The following NAALADL2 variants were observed in gnomAD, a reference collection of about 807,000 sequenced individuals.
The protein encoded by NAALADL2 is N-acetylated alpha-linked acidic dipeptidase like 2.
Under a neutral mutation model 87.2 loss-of-function variants are expected in NAALADL2, and 76 were observed. The observed-to-expected ratio is 0.87, with a 90% confidence interval of 0.72 to 1.05. The LOEUF (loss-of-function observed/expected upper bound fraction) is 1.05, where lower values mean the gene tolerates loss of function less well. Ranked by LOEUF, NAALADL2 falls within the 50% of genes least tolerant of loss-of-function variation. The pLI is 0.00. For missense variants in NAALADL2, 1,089 were observed against 945.8 expected, an observed-to-expected ratio of 1.15 and a Z score of -1.99; for synonymous variants, 354 against 331.0, an observed-to-expected ratio of 1.07 and a Z score of -0.75.
chr3:175,641,846 C>G (rs924843203), intron 11 of NAALADL2, among the ~76,000 whole-genome samples: 27 of 152,106 alleles, frequency 1.8e-4, no homozygotes, highest in African/African-American at 6.0e-4. Flanking sequence ...CAAATTTAAG[C>G]ATAAAAAGTA....
intron 13 of NAALADL2, among the ~76,000 whole-genome samples, chr3:175,799,702 C>A (rs1753905943): frequency 6.6e-6 from 1 of 152,052 alleles, no homozygotes; most frequent in South Asian, 2.1e-4. Flanking sequence ...TTTAGGGAAA[C>A]TTTCAATAAG....
chr3:175,383,225 G>T (rs1032417443), intron 5 of NAALADL2, among the ~76,000 whole-genome samples: 7 of 151,916 alleles, frequency 4.6e-5, no homozygotes, highest in East Asian at 1.9e-4. Flanking sequence ...AATACATGTT[G>T]TTGTTGTTGT....
chr3:175,268,516 T>C (rs1038066483), intron 4 of NAALADL2, among the ~76,000 whole-genome samples: 1 of 152,126 alleles, frequency 6.6e-6, no homozygotes, highest in Non-Finnish European at 1.5e-5. Context: ...TGTTTACAAA[T>C]ATTTTTCTTT....
At chr3:175,684,036 A>G (rs1735949869) in intron 11 of NAALADL2, among the ~76,000 whole-genome samples, 1 of 152,086 alleles carries the variant, frequency 6.6e-6, no homozygotes, top group African/African-American at 2.4e-5. Context: ...ATCATCTTAT[A>G]GTAGAAGCAA....
chr3:174,686,881 T>C (rs972000719), intron 2 of NAALADL2, among the ~76,000 whole-genome samples: 3 of 152,074 alleles, frequency 2.0e-5, no homozygotes, highest in African/African-American at 7.2e-5. Flanking sequence ...ACTTAGGATA[T>C]AGGAATGGGC....
chr3:175,619,273 G>GGAAGGAGAAGGAAA (rs1553933972), intron 10 of NAALADL2, among the ~76,000 whole-genome samples: 1,384 of 133,224 alleles, frequency 0.01, 15 homozygotes, highest in East Asian at 0.023. Context: ...GGAAGGAGAA[G>GGAAGGAGAAGGAAA]GAAAGAAAGA....
At position 175,343,655 on chromosome 3, in the gene NAALADL2, G is replaced by GTTTTT. The variant is rs113806607; in HGVS notation, c.1090+19347_1090+19351dup. On this transcript the variant is annotated intron_variant, in intron 5 of 13. Coordinates refer to ENST00000454872, the MANE Select transcript of NAALADL2 (RefSeq NM_207015.3). ...TGGAGTTCCTGTGTGTCTTGATCATGTTTTTTTTTTTTTTTTTTTTTCCCT... is the reference window on the plus strand; with the variant it reads ...TGGAGTTCCTGTGTGTCTTGATCATGTTTTTTTTTTTTTTTTTTTTTTTTTTCCCT... Among the ~76,000 whole-genome samples, 55 of 64,704 alleles carry GTTTTT rather than the reference G, an allele frequency of 8.5e-4. 6 individuals are homozygous for GTTTTT. The highest frequency in any genetic ancestry group is 2.0e-3 in the South Asian group (3 of 1,466). 42.4% of individuals were successfully genotyped at this position (64,704 alleles called of 152,430 possible).
chr3:175,734,386 C>G (rs944016125), intron 11 of NAALADL2, among the ~76,000 whole-genome samples: 3 of 151,478 alleles, frequency 2.0e-5, no homozygotes, highest in African/African-American at 7.3e-5. Context: ...AACCCCATCT[C>G]TACTAAAAAT....
At chr3:175,489,239 C>T (rs1407425398) in intron 9 of NAALADL2, among the ~76,000 whole-genome samples, 2 of 151,856 alleles carry the variant, frequency 1.3e-5, no homozygotes, top group Admixed American at 1.3e-4. Context: ...AAATTCACAC[C>T]TATGATCTCA....
chr3:175,687,534 G>A (rs1560976474), intron 11 of NAALADL2, among the ~76,000 whole-genome samples: 1 of 152,132 alleles, frequency 6.6e-6, no homozygotes, highest in Non-Finnish European at 1.5e-5. Flanking sequence ...GGTGATGACT[G>A]GTCCTGAGTT....
At chr3:175,713,861 C>T (rs1582985855) in intron 11 of NAALADL2, among the ~76,000 whole-genome samples, 2 of 152,196 alleles carry the variant, frequency 1.3e-5, no homozygotes, top group Middle Eastern at 3.4e-3. Context: ...GGTATTTCTC[C>T]TAATGCTACC....
At chr3:175,378,907 A>G (rs568644292) in intron 5 of NAALADL2, among the ~76,000 whole-genome samples, 1 of 152,320 alleles carries the variant, frequency 6.6e-6, no homozygotes, top group African/African-American at 2.4e-5. Context: ...AGTTAGTCTT[A>G]GTAATTTGTA....
chr3:175,737,253 G>T, intron 11 of NAALADL2, 53 bp from the exon 12 acceptor site: 1 of 1,046,604 alleles, frequency 9.6e-7, no homozygotes, highest in South Asian at 1.3e-5. Context: ...ACAAACAAAT[G>T]AAAACTCCTA....
Position 175,363,955 on chromosome 3 carries a change from G to A in NAALADL2, c.1090+39630G>A, listed in dbSNP as rs926465070. Reference sequence around the variant, plus strand: ...TGCTTTGAAAACAGATTTGACATTCGATTTGAGTCCTTTGGGAATTAACAC... The same window carrying A: ...TGCTTTGAAAACAGATTTGACATTCAATTTGAGTCCTTTGGGAATTAACAC... On this transcript the variant is annotated intron_variant, in intron 5 of 13. Transcript: ENST00000454872. Among the ~76,000 whole-genome samples the A allele has an allele frequency of 1.8e-4, 27 of 147,956 alleles. 2 individuals carry two copies. Among genetic ancestry groups the A allele is most frequent in the Middle Eastern group, 3.2e-3 (1 of 314 alleles).
chr3:175,384,060 T>G (rs567060075), intron 5 of NAALADL2, among the ~76,000 whole-genome samples: 2 of 152,222 alleles, frequency 1.3e-5, no homozygotes, highest in South Asian at 4.1e-4. Context: ...TCTTATCATT[T>G]GCCTATTTAT....
At chr3:174,589,964 A>G (rs1397395704) in intron 2 of NAALADL2, among the ~76,000 whole-genome samples, 4 of 152,024 alleles carry the variant, frequency 2.6e-5, no homozygotes, top group Non-Finnish European at 5.9e-5. Context: ...TTACATATTA[A>G]TTATCAAGGG....
intron 5 of NAALADL2, among the ~76,000 whole-genome samples, chr3:175,355,316 C>T (rs1014084268): frequency 6.6e-6 from 1 of 152,052 alleles, no homozygotes; most frequent in African/African-American, 2.4e-5. Context: ...ATCCAACCAC[C>T]TCAGCCTCCT....
chr3:175,179,015 T>G (rs1372357201), intron 2 of NAALADL2, among the ~76,000 whole-genome samples: 1 of 152,022 alleles, frequency 6.6e-6, no homozygotes, highest in African/African-American at 2.4e-5. Flanking sequence ...CAAACTATTC[T>G]TCTGCCTAGA....
chr3:175,730,443 T>TATAC (rs1387585623), intron 11 of NAALADL2, among the ~76,000 whole-genome samples: 12 of 64,494 alleles, frequency 1.9e-4, no homozygotes, highest in South Asian at 9.2e-4. Context: ...TATATATATA[T>TATAC]ACACACATAC....
Sources: allele counts gnomAD v4.1 joint callset (sites outside exome capture counted in the v4.1 genomes callset), GRCh38; gene constraint gnomAD v4.1.1; transcripts MANE v1.5; gene names NCBI Gene and HGNC (gene_info 2026-07-23, HGNC 2026-07-21).